Variants in SGCZ observed in about 807,000 individuals in gnomAD.
SGCZ encodes zeta-sarcoglycan.
SGCZ carries 40 observed loss-of-function variants against 41.3 expected under a neutral mutation model. The observed-to-expected ratio is 0.97, with a 90% CI of 0.75 to 1.26. SGCZ has a LOEUF of 1.26. Ranked by LOEUF, SGCZ falls within the 50% of genes most tolerant of loss-of-function variation. The pLI is 0.00. For missense variants in SGCZ, 552 were observed against 369.8 expected (o/e 1.49, Z -4.04); for synonymous variants, 206 against 137.5 (o/e 1.50, Z -3.49).
intron 1 of SGCZ, among the ~76,000 whole-genome samples, chr8:14,956,632 A>C (rs952217844): frequency 2.0e-5 from 3 of 152,192 alleles, no homozygotes; most frequent in African/African-American, 7.2e-5. Context: ...AAAAGCACAC[A>C]AAGTTATCTT....
intron 1 of SGCZ, among the ~76,000 whole-genome samples, chr8:14,561,685 G>C (rs1207701251): frequency 6.6e-6 from 1 of 152,080 alleles, no homozygotes; most frequent in South Asian, 2.1e-4. Flanking sequence ...GGGTCAAAAT[G>C]AGTATCCGCA....
intron 5 of SGCZ, among the ~76,000 whole-genome samples, chr8:14,140,795 T>C (rs571434527): frequency 2.0e-5 from 3 of 152,310 alleles, no homozygotes; most frequent in African/African-American, 7.2e-5. Context: ...ACCAATGCCT[T>C]TCTTCACAGA....
chr8:15,067,318 A>G (rs1805188792), intron 1 of SGCZ, among the ~76,000 whole-genome samples: 1 of 152,174 alleles, frequency 6.6e-6, no homozygotes, highest in African/African-American at 2.4e-5. Flanking sequence ...TTTTTAATCT[A>G]ACTGTCTTCA....
chr8:14,503,976 A>C (rs545418231), intron 2 of SGCZ, among the ~76,000 whole-genome samples: 16 of 152,286 alleles, frequency 1.1e-4, no homozygotes, highest in African/African-American at 3.8e-4. Flanking sequence ...ACAGTGTAAA[A>C]ATTACTGTAT....
At chr8:15,036,263 C>A (rs1030083049) in intron 1 of SGCZ, among the ~76,000 whole-genome samples, 1 of 151,974 alleles carries the variant, frequency 6.6e-6, no homozygotes, top group Non-Finnish European at 1.5e-5. Flanking sequence ...TTCTTAGACA[C>A]ATACAACCTA....
At chr8:14,294,491 T>C (rs1800947030) in intron 3 of SGCZ, among the ~76,000 whole-genome samples, 1 of 151,998 alleles carries the variant, frequency 6.6e-6, no homozygotes, top group Admixed American at 6.6e-5. Flanking sequence ...GCTGCGATCT[T>C]ATCTTACATA....
At chr8:14,284,864 T>C (rs1438013473) in intron 3 of SGCZ, among the ~76,000 whole-genome samples, 1 of 152,224 alleles carries the variant, frequency 6.6e-6, no homozygotes, top group Non-Finnish European at 1.5e-5. Context: ...TGAGATCATC[T>C]GTATGTTTTT....
At chr8:14,943,075 A>G (rs1585399160) in intron 1 of SGCZ, among the ~76,000 whole-genome samples, 1 of 152,196 alleles carries the variant, frequency 6.6e-6, no homozygotes, top group South Asian at 2.1e-4. Flanking sequence ...TAATGCAGTC[A>G]TACTTCACTA....
In SGCZ at chr8:15,075,171, C is replaced by A. The variant is rs57894748; in HGVS notation, c.39+162414G>T. 7.0e-3 allele frequency among the ~76,000 whole-genome samples: 1,068 copies of A among 151,500 alleles called. 8 individuals are homozygous for A. Among genetic ancestry groups the A allele is most frequent in the African/African-American group, 0.024 (1,007 of 41,240 alleles). On this transcript the variant is annotated intron_variant, in intron 1 of 7. Coordinates refer to ENST00000382080, the MANE Select transcript of SGCZ (RefSeq NM_139167.4). Reference sequence around the variant, plus strand: ...TCTCATCTTCAGAGTTCAAACTATGCAAAAGTATCTTGTTATTTGTTTTGG... The same window carrying A: ...TCTCATCTTCAGAGTTCAAACTATGAAAAAGTATCTTGTTATTTGTTTTGG...
rs1404567392 is a variant in SGCZ at position 14,087,413 on chromosome 8, C to T, written c.*3030G>A. Reference sequence around the variant, plus strand: ...CCCAAACCTGAATTCAGATACATCTCGGTTTATCCATTCCTGGCAAATAAC... The same window carrying T: ...CCCAAACCTGAATTCAGATACATCTTGGTTTATCCATTCCTGGCAAATAAC... On this transcript the variant is annotated 3_prime_UTR_variant, in exon 8 of 8. Transcript: ENST00000382080. 1.3e-5 allele frequency among the ~76,000 whole-genome samples: 2 copies of T among 151,554 alleles called. No individual in the cohort carries two copies. Among genetic ancestry groups the T allele is most frequent in the Admixed American group, 6.6e-5 (1 of 15,148 alleles).
intron 1 of SGCZ, among the ~76,000 whole-genome samples, chr8:14,649,063 C>G (rs1408180927): frequency 6.6e-6 from 1 of 152,026 alleles, no homozygotes; most frequent in Middle Eastern, 3.2e-3. Flanking sequence ...TACATAAATC[C>G]TTTTAGCAAC....
At chr8:14,398,844 T>C (rs1798992027) in intron 2 of SGCZ, among the ~76,000 whole-genome samples, 1 of 152,090 alleles carries the variant, frequency 6.6e-6, no homozygotes, top group Admixed American at 6.6e-5. Context: ...AGGTGATTAT[T>C]TAGCTCAAGG....
intron 2 of SGCZ, among the ~76,000 whole-genome samples, chr8:14,389,982 G>A (rs984659359): frequency 2.0e-5 from 3 of 151,908 alleles, no homozygotes; most frequent in African/African-American, 7.2e-5. Flanking sequence ...GGGGATTTTT[G>A]TAAGTAGGGG....
At chr8:14,171,915 G>A (rs1804395111) in intron 4 of SGCZ, among the ~76,000 whole-genome samples, 1 of 152,066 alleles carries the variant, frequency 6.6e-6, no homozygotes, top group African/African-American at 2.4e-5. Flanking sequence ...AAGAATAAAT[G>A]TCAAAATTAA....
chr8:14,224,167 T>C (rs1806294589), intron 4 of SGCZ, among the ~76,000 whole-genome samples: 2 of 152,206 alleles, frequency 1.3e-5, no homozygotes, highest in African/African-American at 4.8e-5. Context: ...TTTAAAATGA[T>C]ACAATATGGA....
At chr8:14,354,685 A>G (rs1296674555) in intron 2 of SGCZ, among the ~76,000 whole-genome samples, 3 of 151,826 alleles carry the variant, frequency 2.0e-5, no homozygotes, top group Non-Finnish European at 4.4e-5. Context: ...ACACACACTC[A>G]GAGACAAAAC....
intron 1 of SGCZ, among the ~76,000 whole-genome samples, chr8:14,926,861 G>A (rs1306959386): frequency 6.6e-6 from 1 of 151,962 alleles, no homozygotes; most frequent in African/African-American, 2.4e-5. Context: ...GGAAGGTCGT[G>A]ATCTCCTGAC....
At chr8:14,269,115 A>T (rs1799973402) in intron 3 of SGCZ, among the ~76,000 whole-genome samples, 1 of 152,072 alleles carries the variant, frequency 6.6e-6, no homozygotes, top group Non-Finnish European at 1.5e-5. Flanking sequence ...ATATAGTCAT[A>T]AATTTTTTTA....
intron 1 of SGCZ, among the ~76,000 whole-genome samples, chr8:15,059,148 T>C (rs1053255952): frequency 6.6e-5 from 10 of 152,170 alleles, no homozygotes; most frequent in Non-Finnish European, 1.3e-4. Context: ...TATTTTTCCA[T>C]GAAAAAATAT....
Sources: gnomAD v4.1 joint callset for allele counts (sites outside exome capture counted in the v4.1 genomes callset) on GRCh38, gnomAD v4.1.1 for gene constraint, MANE v1.5 for transcripts, NCBI Gene and HGNC (gene_info 2026-07-23, HGNC 2026-07-21) for gene names.